The following QTGAL variants were observed in gnomAD, a reference collection of about 807,000 sequenced individuals.
QTGAL encodes BGnT-like protein 1.
chr17:83,040,256 G>A, the QTGAL span, among the ~76,000 whole-genome samples: 192 of 152,250 alleles, frequency 1.3e-3, no homozygotes, highest in Middle Eastern at 6.8e-3. Context: ...CAAAGTTGAC[G>A]ACCATTATCT....
At chr17:82,992,215 A>C in the QTGAL span, among the ~76,000 whole-genome samples, 1 of 152,210 alleles carries the variant, frequency 6.6e-6, no homozygotes, top group African/African-American at 2.4e-5. Flanking sequence ...TAGAACACCA[A>C]GCAGATTTAA....
the QTGAL span, among the ~76,000 whole-genome samples, chr17:83,034,578 A>G: frequency 6.6e-6 from 1 of 152,154 alleles, no homozygotes; most frequent in African/African-American, 2.4e-5. Flanking sequence ...TAACTATTTG[A>G]TAAGGTTGGG....
chr17:82,970,193 G>T, the QTGAL span, among the ~76,000 whole-genome samples: 1 of 152,168 alleles, frequency 6.6e-6, no homozygotes, highest in Non-Finnish European at 1.5e-5. Flanking sequence ...TGGAAGCCAG[G>T]CCAGCCAAGG....
chr17:82,964,030 G>GGC, the QTGAL span, among the ~76,000 whole-genome samples: 27,901 of 134,638 alleles, frequency 0.21, 3,353 homozygotes, highest in South Asian at 0.32. Flanking sequence ...GCTGAGGTCG[G>GGC]GGGGGTGGAT....
At chr17:83,014,271 GTT>G in the QTGAL span, among the ~76,000 whole-genome samples, 1 of 152,096 alleles carries the variant, frequency 6.6e-6, no homozygotes, top group Non-Finnish European at 1.5e-5. Context: ...TCAGGGGCAT[GTT>G]TTTCTCCAAA....
the QTGAL span, among the ~76,000 whole-genome samples, chr17:82,957,833 G>T: frequency 1.3e-5 from 2 of 152,160 alleles, no homozygotes; most frequent in African/African-American, 4.8e-5. Flanking sequence ...AGAAACCTTT[G>T]TCCATAAGGA....
chr17:82,981,059 A>C, the QTGAL span: 1 of 152,206 alleles, frequency 6.6e-6, no homozygotes, highest in Admixed American at 6.5e-5. Flanking sequence ...TTCAGAAACC[A>C]AGGACAAAAG....
At chr17:83,049,950 G>A in the QTGAL span, among the ~76,000 whole-genome samples, 1 of 152,156 alleles carries the variant, frequency 6.6e-6, no homozygotes, top group Admixed American at 6.5e-5. Flanking sequence ...TAAGAGATTA[G>A]TCTGTCCTCA....
chr17:82,942,707 T>A, the QTGAL span: 1 of 598,980 alleles, frequency 1.7e-6, no homozygotes, highest in Non-Finnish European at 3.0e-6. Flanking sequence ...ACCAAGAAGT[T>A]CCTGCCTTTT....
chr17:83,038,312 G>T, the QTGAL span, among the ~76,000 whole-genome samples: 1 of 152,186 alleles, frequency 6.6e-6, no homozygotes, highest in Non-Finnish European at 1.5e-5. Flanking sequence ...CAGCAGGACG[G>T]CTCATTTCAG....
At chr17:82,959,510 C>T in the QTGAL span, among the ~76,000 whole-genome samples, 7 of 152,046 alleles carry the variant, frequency 4.6e-5, no homozygotes, top group Middle Eastern at 3.4e-3. Flanking sequence ...CTCCTGCAGA[C>T]GGCTGCGGGG....
At chr17:82,959,190 G>A in the QTGAL span, among the ~76,000 whole-genome samples, 2 of 151,964 alleles carry the variant, frequency 1.3e-5, no homozygotes, top group Non-Finnish European at 2.9e-5. Context: ...CACGTGTACA[G>A]TGTGTGCAGG....
the QTGAL span, among the ~76,000 whole-genome samples, chr17:83,018,400 T>C: frequency 5.9e-5 from 9 of 152,358 alleles, no homozygotes; most frequent in South Asian, 1.9e-3. Flanking sequence ...AAAAATATAT[T>C]TGTAAAACAA....
the QTGAL span, among the ~76,000 whole-genome samples, chr17:82,967,857 C>T: frequency 6.6e-6 from 1 of 151,946 alleles, no homozygotes; most frequent in African/African-American, 2.4e-5. Flanking sequence ...ATCCTTTGAG[C>T]TCCGGAAGTC....
the QTGAL span, among the ~76,000 whole-genome samples, chr17:82,950,967 C>T: frequency 3.3e-5 from 5 of 152,166 alleles, no homozygotes; most frequent in Admixed American, 6.5e-5. Flanking sequence ...CTCAGAATGG[C>T]GACCACTGCC....
At chr17:83,041,945 G>A in the QTGAL span, among the ~76,000 whole-genome samples, 1 of 152,228 alleles carries the variant, frequency 6.6e-6, no homozygotes, top group Non-Finnish European at 1.5e-5. Context: ...GGGCTGAAAT[G>A]AAAGGGCACT....
At chr17:82,975,512 A>G in the QTGAL span, among the ~76,000 whole-genome samples, 5 of 17,434 alleles carry the variant, frequency 2.9e-4, 1 homozygote, top group Admixed American at 4.2e-4. Context: ...CCCAGGGACC[A>G]GAGGCCACTA....
the QTGAL span, among the ~76,000 whole-genome samples, chr17:82,950,942 A>G: frequency 6.6e-6 from 1 of 152,190 alleles, no homozygotes; most frequent in South Asian, 2.1e-4. Flanking sequence ...CCTCATTCCT[A>G]AGAATCCTAG....
the QTGAL span, among the ~76,000 whole-genome samples, chr17:82,977,408 T>A: frequency 3.6e-4 from 55 of 152,130 alleles, 1 homozygote; most frequent in African/African-American, 1.3e-3. Flanking sequence ...TTCGAAAGAC[T>A]CCGGGTGCTC....
Sources: allele counts gnomAD v4.1 joint callset (sites outside exome capture counted in the v4.1 genomes callset), GRCh38; gene constraint gnomAD v4.1.1; transcripts MANE v1.5; gene names NCBI Gene and HGNC (gene_info 2026-07-23, HGNC 2026-07-21).